Variants in SLC27A2 observed in about 807,000 individuals in gnomAD.
SLC27A2 encodes solute carrier family 27 member 2, also known as long-chain fatty acid transport protein 2.
Under a neutral mutation model 60.0 loss-of-function variants are expected in SLC27A2, and 54 were observed. The ratio of observed to expected loss-of-function variants is 0.90; its 90% confidence interval spans 0.72 to 1.13. The LOEUF (loss-of-function observed/expected upper bound fraction) is 1.13. Among genes scored for constraint, SLC27A2 ranks in the 50% most tolerant of loss-of-function variants. SLC27A2 has a pLI of 0.00. For synonymous variants in SLC27A2, 297 were observed against 297.6 expected, an observed-to-expected ratio of 1.00 and a Z score of 0.02; for missense variants, 739 against 777.6, an observed-to-expected ratio of 0.95 and a Z score of 0.59.
At chr15:50,219,080 G>A (rs1388834592) in intron 4 of SLC27A2, among the ~76,000 whole-genome samples, 1 of 152,188 alleles carries the variant, frequency 6.6e-6, no homozygotes, top group Admixed American at 6.5e-5. Context: ...TGTATTATGG[G>A]CAGAATAATG....
chr15:50,202,627 C>G lies in SLC27A2; in HGVS notation c.829C>G (p.His277Asp). 4.3e-6 allele frequency: 7 copies of G among 1,613,986 alleles called. No individual in the cohort carries two copies. The highest frequency in any genetic ancestry group is 5.9e-6 in the Non-Finnish European group (7 of 1,179,918). The change falls in exon 3 of 10, where the codon CAC becomes GAC. Residue 277 changes from histidine (H) to aspartate (D), a missense_variant. Physicochemically the swap from His to Asp is moderately conservative, Grantham distance 81. Coordinates refer to ENST00000267842, the MANE Select transcript of SLC27A2 (RefSeq NM_003645.4). Reference sequence around the variant, plus strand: ...CAGTGCTGCACTACTGATTGGCATTCACGGATGTATTGTGGCTGGTAAGCT... The same window carrying G: ...CAGTGCTGCACTACTGATTGGCATTGACGGATGTATTGTGGCTGGTAAGCT... ...YHSAALLIGI[H>D]GCIVAGATLA...
chr15:50,187,693 A>G (rs1007447757), intron 1 of SLC27A2, among the ~76,000 whole-genome samples: 1 of 152,198 alleles, frequency 6.6e-6, no homozygotes, highest in African/African-American at 2.4e-5. Flanking sequence ...GGTAAGTTAT[A>G]AAACGTTCCA....
At chr15:50,218,653 C>T (rs1210191699) in intron 4 of SLC27A2, among the ~76,000 whole-genome samples, 1 of 152,038 alleles carries the variant, frequency 6.6e-6, no homozygotes, top group Non-Finnish European at 1.5e-5. Context: ...AATCATCACT[C>T]AGATATACAA....
At chr15:50,183,992 A>ATTTTTTTTTT (rs1595677867) in intron 1 of SLC27A2, among the ~76,000 whole-genome samples, 3 of 23,932 alleles carry the variant, frequency 1.3e-4, no homozygotes, top group Non-Finnish European at 2.3e-4. Context: ...TCTTTCCTAC[A>ATTTTTTTTTT]TCTTTTTTTT....
chr15:50,226,891 G>A (rs2045282064), intron 6 of SLC27A2, 89 bp from the exon 7 acceptor site: 5 of 1,025,598 alleles, frequency 4.9e-6, no homozygotes, highest in Non-Finnish European at 7.2e-6. Context: ...CTTGTTGCCA[G>A]CAGGTTGTAT....
At chr15:50,221,631 CA>C (rs560092336) in intron 4 of SLC27A2, among the ~76,000 whole-genome samples, 6 of 152,238 alleles carry the variant, frequency 3.9e-5, no homozygotes, top group African/African-American at 1.4e-4. Flanking sequence ...AGTGATTTCA[CA>C]GTGTAAGAAA....
At chr15:50,220,934 G>A (rs1466123760) in intron 4 of SLC27A2, among the ~76,000 whole-genome samples, 1 of 152,188 alleles carries the variant, frequency 6.6e-6, no homozygotes, top group Non-Finnish European at 1.5e-5. Flanking sequence ...TGGGCACAGT[G>A]GCTCATGCCT....
Position 50,182,326 on chromosome 15 carries a change from C to G in SLC27A2, c.-102C>G. On this transcript the variant is annotated 5_prime_UTR_variant, in exon 1 of 10. Coordinates refer to ENST00000267842, the MANE Select transcript of SLC27A2 (RefSeq NM_003645.4). ...AGCCCGGCGTCCCGCCGCGTGCGCC[C>G]CGGCGCAGCCCGCCAGTCCGCCCGG... The G allele has an allele frequency of 2.2e-6, 3 of 1,344,646 alleles. No homozygotes were observed. The highest frequency in any genetic ancestry group is 2.9e-6 in the Non-Finnish European group (3 of 1,049,566). The allele number at this position is 1,344,646 out of a possible 1,614,324, so 83.3% of individuals were successfully genotyped here. A position where few individuals can be genotyped will look rare whatever the true frequency, so the allele number is the denominator to read the frequency against.
chr15:50,229,106 G>A, intron 8 of SLC27A2, 64 bp downstream of exon 8: 1 of 1,125,512 alleles, frequency 8.9e-7, no homozygotes, highest in Non-Finnish European at 1.3e-6. Flanking sequence ...TGGCCTCAAG[G>A]CGAAGTTTGT....
In SLC27A2 at chr15:50,182,352, A is replaced by C. The variant is rs2044860872; in HGVS notation, c.-76A>C. On this transcript the variant is annotated 5_prime_UTR_variant, in exon 1 of 10. Coordinates refer to ENST00000267842, the MANE Select transcript of SLC27A2 (RefSeq NM_003645.4). ...CGGCGCAGCCCGCCAGTCCGCCCGG[A>C]GCCCGCCCAGTCGCCGCGCTGCACG... is the stretch of plus-strand genomic sequence containing the variant. 1.4e-6 allele frequency: 2 copies of C among 1,396,396 alleles called. No individual in the cohort carries two copies. Among genetic ancestry groups the C allele is most frequent in the African/African-American group, 3.0e-5 (2 of 65,690 alleles). The allele number at this position is 1,396,396 out of a possible 1,614,324, so 86.5% of individuals were successfully genotyped here. A position where few individuals can be genotyped will look rare whatever the true frequency, so the allele number is the denominator to read the frequency against.
chr15:50,225,999 TTATGACCTGATTAAA>T lies in SLC27A2; in HGVS notation c.1185_1199del (p.Leu396_Asp400del), dbSNP rs2045275387. 6.3e-7 allele frequency: 1 copy of T among 1,593,470 alleles called. No homozygotes were observed. The highest frequency in any genetic ancestry group is 2.2e-5 in the East Asian group (1 of 44,794). ...TTTAATCTTGCTAGAAAATCATAACTTATGACCTGATTAAATATGATGTGGAGAAAGATGAACCTG... is the reference window on the plus strand; with the variant it reads ...TTTAATCTTGCTAGAAAATCATAACTTATGATGTGGAGAAAGATGAACCTG... On this transcript the variant is annotated inframe_deletion, in exon 6 of 10. Transcript: ENST00000267842.
At position 50,236,070 on chromosome 15, in the gene SLC27A2, A is replaced by G. The variant is rs569117040; in HGVS notation, c.1837A>G (p.Ile613Val). The G allele has an allele frequency of 3.7e-6, 6 of 1,610,514 alleles. No homozygotes were observed. The highest frequency in any genetic ancestry group is 2.7e-5 in the African/African-American group (2 of 74,990). The change falls in exon 10 of 10, where the codon ATA (isoleucine) becomes GTA (valine). Residue 613 changes from isoleucine to valine, a missense_variant. Ile to Val is a conservative substitution (Grantham distance 29, BLOSUM62 3). Transcript: ENST00000267842. The stretch of plus-strand genomic sequence containing the variant: ...TATGACTGAGGACATCTATAATGCC[A>G]TAAGTGCTAAAACCCTGAAACTCTG... ...VPMTEDIYNA[I>V]SAKTLKL
chr15:50,230,703 A>T (rs901128342), intron 8 of SLC27A2, among the ~76,000 whole-genome samples: 1 of 152,224 alleles, frequency 6.6e-6, no homozygotes, highest in African/African-American at 2.4e-5. Context: ...CCTTATGCTG[A>T]GTTAACACAA....
intron 1 of SLC27A2, among the ~76,000 whole-genome samples, chr15:50,196,790 T>G (rs1201106813): frequency 2.6e-5 from 4 of 152,232 alleles, no homozygotes; most frequent in Non-Finnish European, 5.9e-5. Context: ...CTTTTGAAAT[T>G]TAGAGCTTAT....
chr15:50,207,693 A>C (rs2045123789), intron 4 of SLC27A2, among the ~76,000 whole-genome samples: 1 of 151,702 alleles, frequency 6.6e-6, no homozygotes, highest in Non-Finnish European at 1.5e-5. Flanking sequence ...AGGAGGCTGA[A>C]GCAGGAGAGT....
At chr15:50,213,468 T>C (rs1414416350) in intron 4 of SLC27A2, among the ~76,000 whole-genome samples, 1 of 152,170 alleles carries the variant, frequency 6.6e-6, no homozygotes, top group Non-Finnish European at 1.5e-5. Context: ...AACAGATATA[T>C]ACAGAACATT....
At chr15:50,216,771 A>G (rs2045200485) in intron 4 of SLC27A2, among the ~76,000 whole-genome samples, 1 of 145,554 alleles carries the variant, frequency 6.9e-6, no homozygotes, top group African/African-American at 2.5e-5. Flanking sequence ...TATATTCCAT[A>G]AAAATATATA....
chr15:50,210,886 T>C (rs2140906203), intron 4 of SLC27A2, among the ~76,000 whole-genome samples: 1 of 152,220 alleles, frequency 6.6e-6, no homozygotes, highest in South Asian at 2.1e-4. Flanking sequence ...CCTGACAACC[T>C]GCATGACTCA....
At chr15:50,228,193 C>G (rs1472038242) in intron 7 of SLC27A2, among the ~76,000 whole-genome samples, 1 of 152,110 alleles carries the variant, frequency 6.6e-6, no homozygotes, top group South Asian at 2.1e-4. Flanking sequence ...GCCTGGCCAA[C>G]AAGGTAAAAT....
Sources: gnomAD v4.1 joint callset for allele counts (sites outside exome capture counted in the v4.1 genomes callset) on GRCh38, gnomAD v4.1.1 for gene constraint, MANE v1.5 for transcripts, NCBI Gene and HGNC (gene_info 2026-07-23, HGNC 2026-07-21) for gene names.